Variants in ZHX2 observed in about 807,000 individuals in gnomAD.
The protein encoded by ZHX2 is zinc fingers and homeoboxes protein 2.
Under a neutral mutation model 21.9 loss-of-function variants are expected in ZHX2, and 6 were observed. The ratio of observed to expected loss-of-function variants is 0.27; its 90% CI spans 0.15 to 0.54. The LOEUF (loss-of-function observed/expected upper bound fraction) is 0.54, where lower values mean the gene tolerates loss of function less well. ZHX2 is among the 20% of genes least tolerant of loss of function. The pLI is 0.95. For synonymous variants in ZHX2, 434 were observed against 437.1 expected, an observed-to-expected ratio of 0.99 and a Z score of 0.09; for missense variants, 908 against 1,090.7, an observed-to-expected ratio of 0.83 and a Z score of 2.36.
intron 2 of ZHX2, among the ~76,000 whole-genome samples, chr8:122,947,288 C>T (rs553801057): frequency 2.0e-5 from 3 of 151,724 alleles, no homozygotes; most frequent in South Asian, 2.1e-4. Flanking sequence ...AACCTTTCTG[C>T]CTTGATGGAG....
intron 2 of ZHX2, among the ~76,000 whole-genome samples, chr8:122,911,048 C>A (rs557001397): frequency 6.6e-6 from 1 of 152,170 alleles, no homozygotes; most frequent in African/African-American, 2.4e-5. Context: ...TGTAATACAC[C>A]CTGCATAGTG....
intron 1 of ZHX2, among the ~76,000 whole-genome samples, chr8:122,817,560 G>A (rs1174141505): frequency 6.6e-6 from 1 of 152,196 alleles, no homozygotes; most frequent in Admixed American, 6.5e-5. Flanking sequence ...AGAGGGCCAG[G>A]AAGAAAAAGG....
chr8:122,891,270 T>TTGTGTGTGTGTGTGTG (rs59893492), intron 2 of ZHX2, among the ~76,000 whole-genome samples: 1 of 77,668 alleles, frequency 1.3e-5, no homozygotes, highest in Non-Finnish European at 2.7e-5. Flanking sequence ...TCTTGGTAGA[T>TTGTGTGTGTGTGTGTG]TGTGTGTGTG....
chr8:122,971,018 C>T (rs940465558), intron 3 of ZHX2, among the ~76,000 whole-genome samples: 1 of 152,184 alleles, frequency 6.6e-6, no homozygotes, highest in Admixed American at 6.5e-5. Flanking sequence ...AAGGTGGAGT[C>T]GGGCTTCACC....
At chr8:122,830,600 G>A (rs770265695) in intron 1 of ZHX2, among the ~76,000 whole-genome samples, 2 of 152,194 alleles carry the variant, frequency 1.3e-5, no homozygotes, top group African/African-American at 2.4e-5. Flanking sequence ...GTTGTAGCAG[G>A]AGCATCGCCT....
intron 2 of ZHX2, among the ~76,000 whole-genome samples, chr8:122,885,957 G>C (rs911952366): frequency 1.3e-5 from 2 of 152,132 alleles, no homozygotes; most frequent in African/African-American, 4.8e-5. Flanking sequence ...ATGAAGAATT[G>C]AGTACACATA....
At chr8:122,820,786 A>G (rs1026113158) in intron 1 of ZHX2, among the ~76,000 whole-genome samples, 1 of 152,212 alleles carries the variant, frequency 6.6e-6, no homozygotes, top group Non-Finnish European at 1.5e-5. Context: ...AATAATAAGA[A>G]TAAAAATCAG....
intron 1 of ZHX2, among the ~76,000 whole-genome samples, chr8:122,813,002 C>A (rs1817961116): frequency 6.6e-6 from 1 of 152,098 alleles, no homozygotes; most frequent in Non-Finnish European, 1.5e-5. Context: ...TCATGACCAG[C>A]CTGACCAACA....
intron 3 of ZHX2, among the ~76,000 whole-genome samples, chr8:122,970,759 T>C (rs1258450566): frequency 6.6e-6 from 1 of 152,158 alleles, no homozygotes; most frequent in Non-Finnish European, 1.5e-5. Flanking sequence ...ACCCTGTTTC[T>C]TGGAAAGCAC....
intron 1 of ZHX2, among the ~76,000 whole-genome samples, chr8:122,859,761 A>G (rs1819117157): frequency 6.6e-6 from 1 of 151,946 alleles, no homozygotes; most frequent in Admixed American, 6.6e-5. Flanking sequence ...TCAGTCTATT[A>G]TTTGTCTTTC....
intron 1 of ZHX2, among the ~76,000 whole-genome samples, chr8:122,794,891 G>A (rs973071556): frequency 6.6e-6 from 1 of 152,110 alleles, no homozygotes; most frequent in South Asian, 2.1e-4. Flanking sequence ...TTCTACTCTG[G>A]AGATATTTGT....
intron 1 of ZHX2, among the ~76,000 whole-genome samples, chr8:122,825,894 C>T (rs756943760): frequency 2.0e-5 from 3 of 152,206 alleles, no homozygotes; most frequent in Non-Finnish European, 4.4e-5. Context: ...CCCTCTCCCC[C>T]TCTCTTTATT....
At chr8:122,878,388 A>AG (rs566677015) in intron 2 of ZHX2, among the ~76,000 whole-genome samples, 6 of 152,144 alleles carry the variant, frequency 3.9e-5, no homozygotes, top group Non-Finnish European at 8.8e-5. Flanking sequence ...TAGGTCAGTG[A>AG]GGGGGTCCTG....
chr8:122,972,736 C>T (rs1327935969), intron 3 of ZHX2, among the ~76,000 whole-genome samples: 4 of 152,166 alleles, frequency 2.6e-5, no homozygotes, highest in African/African-American at 4.8e-5. Flanking sequence ...ATGGCATCAT[C>T]GCAGCAACTT....
chr8:122,906,229 T>C (rs1820344375), intron 2 of ZHX2, among the ~76,000 whole-genome samples: 2 of 152,230 alleles, frequency 1.3e-5, no homozygotes, highest in Admixed American at 6.5e-5. Context: ...ATTGAGGCTG[T>C]CAATTAAACA....
At chr8:122,881,156 C>A (rs935986218) in intron 2 of ZHX2, among the ~76,000 whole-genome samples, 3 of 152,202 alleles carry the variant, frequency 2.0e-5, no homozygotes, top group Non-Finnish European at 2.9e-5. Context: ...CGTGCGGGAG[C>A]ACTCGGGCCC....
intron 2 of ZHX2, among the ~76,000 whole-genome samples, chr8:122,939,363 TGATGTGTA>T (rs894203468): frequency 2.5e-4 from 38 of 152,314 alleles, no homozygotes; most frequent in African/African-American, 8.7e-4. Flanking sequence ...TCTGATATAA[TGATGTGTA>T]GATGGTGGTG....
chr8:122,865,116 T>G (rs551184357), intron 2 of ZHX2, among the ~76,000 whole-genome samples: 1 of 150,986 alleles, frequency 6.6e-6, no homozygotes, highest in Admixed American at 6.6e-5. Context: ...AGGACTGAAC[T>G]GTGACTTGGC....
intron 1 of ZHX2, among the ~76,000 whole-genome samples, chr8:122,845,329 T>C (rs999589828): frequency 2.0e-5 from 3 of 152,232 alleles, no homozygotes; most frequent in Non-Finnish European, 2.9e-5. Flanking sequence ...AAGATCACAT[T>C]ATTGTCATTT....
Sources: gnomAD v4.1 joint callset for allele counts (sites outside exome capture counted in the v4.1 genomes callset) on GRCh38, gnomAD v4.1.1 for gene constraint, MANE v1.5 for transcripts, NCBI Gene and HGNC (gene_info 2026-07-23, HGNC 2026-07-21) for gene names.